Variants in CERS6 observed in about 807,000 individuals in gnomAD.
The protein encoded by CERS6 is LAG1 homolog, ceramide synthase 6.
Under a neutral mutation model 56.8 loss-of-function variants are expected in CERS6, and 26 were observed. That is an observed-to-expected ratio of 0.46 (90% CI 0.34 to 0.63). CERS6 has a LOEUF of 0.63. Among genes scored for constraint, CERS6 ranks in the 30% least tolerant of loss-of-function variants. The probability of loss-of-function intolerance (pLI) is 0.01; values close to 1 mark genes in which losing one functional copy is unlikely to be tolerated. For missense variants in CERS6, 415 were observed against 467.5 expected, an observed-to-expected ratio of 0.89 and a Z score of 1.04; for synonymous variants, 164 against 173.3, an observed-to-expected ratio of 0.95 and a Z score of 0.42.
chr2:168,492,988 A>G (rs950662426), intron 1 of CERS6, among the ~76,000 whole-genome samples: 3 of 152,132 alleles, frequency 2.0e-5, no homozygotes, highest in African/African-American at 4.8e-5. Flanking sequence ...TTACTTCTCA[A>G]TGGGATCCAT....
chr2:168,590,304 G>T (rs1478341916), intron 3 of CERS6, among the ~76,000 whole-genome samples: 1 of 152,056 alleles, frequency 6.6e-6, no homozygotes, highest in Non-Finnish European at 1.5e-5. Context: ...TTAAACTTAG[G>T]TTCAGTAACA....
intron 4 of CERS6, among the ~76,000 whole-genome samples, chr2:168,665,952 CTGTGTGTG>C (rs58913968): frequency 0.016 from 2,287 of 143,278 alleles, 28 homozygotes; most frequent in Admixed American, 0.022. Flanking sequence ...AATTAGTAGA[CTGTGTGTG>C]TGTGTGTGTG....
At chr2:168,570,553 G>C (rs1049583576) in intron 3 of CERS6, among the ~76,000 whole-genome samples, 2 of 152,158 alleles carry the variant, frequency 1.3e-5, no homozygotes. Flanking sequence ...AGCCACCTCT[G>C]CTGGGGCCTG....
At chr2:168,657,394 G>A (rs55889660) in intron 4 of CERS6, among the ~76,000 whole-genome samples, 31,854 of 152,230 alleles carry the variant, frequency 0.21, 4,455 homozygotes, top group African/African-American at 0.4. Flanking sequence ...ATCCCGCACC[G>A]GGGCTGCAGG....
chr2:168,706,557 G>A (rs10490708), intron 6 of CERS6, among the ~76,000 whole-genome samples: 40,279 of 152,118 alleles, frequency 0.26, 6,532 homozygotes, highest in Middle Eastern at 0.44. Flanking sequence ...AGCTTGTGAA[G>A]TCTCCTTGGT....
intron 4 of CERS6, among the ~76,000 whole-genome samples, chr2:168,660,631 A>C (rs148367350): frequency 3.1e-3 from 478 of 152,316 alleles, no homozygotes; most frequent in African/African-American, 0.01. Context: ...AAAAAAACTT[A>C]AATAACATGT....
At chr2:168,701,749 T>C (rs1457203972) in intron 6 of CERS6, among the ~76,000 whole-genome samples, 1 of 152,110 alleles carries the variant, frequency 6.6e-6, no homozygotes, top group East Asian at 1.9e-4. Context: ...CTCCCACCTG[T>C]AATCCCAGCC....
At chr2:168,568,557 C>A (rs1469551068) in intron 3 of CERS6, among the ~76,000 whole-genome samples, 1 of 140,234 alleles carries the variant, frequency 7.1e-6, no homozygotes. Context: ...CATCCTTTAT[C>A]ATTTACTGCT....
chr2:168,697,877 G>T (rs985348922), intron 6 of CERS6, among the ~76,000 whole-genome samples: 1 of 152,296 alleles, frequency 6.6e-6, no homozygotes, highest in East Asian at 1.9e-4. Context: ...TATACCAAAA[G>T]TTACCAAGTC....
In CERS6 at chr2:168,608,939, A is replaced by T. The variant is rs115350605; in HGVS notation, c.408-22046A>T. On this transcript the variant is annotated intron_variant, in intron 3 of 9. Coordinates refer to ENST00000305747, the MANE Select transcript of CERS6 (RefSeq NM_203463.3). The stretch of plus-strand genomic sequence containing the variant: ...TTATTCCAAAGCTGAGATTTGTAGG[A>T]GTTTGTGGAACTCCTCCAATGAGTC... 2.3e-3 allele frequency among the ~76,000 whole-genome samples: 352 copies of T among 152,220 alleles called. 1 individual carries two copies. The highest frequency in any genetic ancestry group is 8.2e-3 in the African/African-American group (342 of 41,528).
At chr2:168,548,238 A>G (rs1331526005) in intron 2 of CERS6, among the ~76,000 whole-genome samples, 2 of 152,184 alleles carry the variant, frequency 1.3e-5, no homozygotes, top group Non-Finnish European at 2.9e-5. Context: ...GTGAAGAGAT[A>G]GGTTCACTGT....
chr2:168,619,437 A>T (rs1023701348), intron 3 of CERS6, among the ~76,000 whole-genome samples: 2 of 152,178 alleles, frequency 1.3e-5, no homozygotes, highest in Non-Finnish European at 1.5e-5. Flanking sequence ...AGTGGGAGAA[A>T]ATCTTCGCAA....
chr2:168,618,374 A>C (rs542483304), intron 3 of CERS6, among the ~76,000 whole-genome samples: 12 of 152,264 alleles, frequency 7.9e-5, no homozygotes, highest in Admixed American at 5.9e-4. Context: ...ACTGGAATCC[A>C]AGCCAGAGCC....
intron 1 of CERS6, among the ~76,000 whole-genome samples, chr2:168,546,242 G>A (rs1412426084): frequency 2.0e-5 from 3 of 152,176 alleles, no homozygotes; most frequent in African/African-American, 4.8e-5. Flanking sequence ...AGGGATGTAG[G>A]TAATGCAGCT....
At chr2:168,505,120 T>C (rs1199875458) in intron 1 of CERS6, among the ~76,000 whole-genome samples, 1 of 152,134 alleles carries the variant, frequency 6.6e-6, no homozygotes, top group East Asian at 1.9e-4. Flanking sequence ...CTCACGCCTG[T>C]AATACCAGCA....
Position 168,765,664 on chromosome 2 carries a change from A to G in CERS6, c.918A>G (p.Leu306=). 1 of 1,614,124 alleles carries G rather than the reference A, an allele frequency of 6.2e-7. No individual in the cohort carries two copies. ...GPYPSWWVFN[L]LLLLVQGLNC... ...ACCCTTCCTGGTGGGTTTTTAACCT[A>G]CTGCTATTGCTAGTACAAGGGTTGA... The change falls in exon 9 of 10, where the codon CTA becomes CTG. Residue 306 remains leucine (L), a synonymous_variant. Transcript: ENST00000305747.
intron 2 of CERS6, among the ~76,000 whole-genome samples, chr2:168,558,635 C>T (rs1176369710): frequency 3.9e-5 from 6 of 152,140 alleles, no homozygotes; most frequent in East Asian, 1.9e-4. Flanking sequence ...TTTGGGAGGC[C>T]AAGGCGGGTG....
At chr2:168,477,743 A>G (rs563015473) in intron 1 of CERS6, among the ~76,000 whole-genome samples, 1 of 152,334 alleles carries the variant, frequency 6.6e-6, no homozygotes, top group Non-Finnish European at 1.5e-5. Flanking sequence ...ACGTGTTTAT[A>G]TATTTCTGCT....
intron 4 of CERS6, among the ~76,000 whole-genome samples, chr2:168,648,602 C>G (rs893391499): frequency 6.6e-6 from 1 of 152,026 alleles, no homozygotes; most frequent in Non-Finnish European, 1.5e-5. Flanking sequence ...TTAATTCTTT[C>G]AGTTATGATG....
Sources: allele counts gnomAD v4.1 joint callset (sites outside exome capture counted in the v4.1 genomes callset), GRCh38; gene constraint gnomAD v4.1.1; transcripts MANE v1.5; gene names NCBI Gene and HGNC (gene_info 2026-07-23, HGNC 2026-07-21).